The following ACAN variants were observed in gnomAD, a reference collection of about 807,000 sequenced individuals.
ACAN encodes the protein aggrecan.
Under a neutral mutation model 169.1 loss-of-function variants are expected in ACAN, and 47 were observed. The observed-to-expected ratio is 0.28, with a 90% CI of 0.22 to 0.35. The LOEUF is 0.35. Among genes scored for constraint, ACAN ranks in the 10% least tolerant of loss-of-function variants. The pLI is 1.00. For missense variants in ACAN, 2,716 were observed against 2,759.9 expected, an observed-to-expected ratio of 0.98 and a Z score of 0.36; for synonymous variants, 1,115 against 1,112.2, an observed-to-expected ratio of 1.00 and a Z score of -0.05.
intron 1 of ACAN, among the ~76,000 whole-genome samples, chr15:88,832,504 G>A (rs921595358): frequency 2.0e-5 from 3 of 152,090 alleles, no homozygotes; most frequent in Non-Finnish European, 4.4e-5. Flanking sequence ...TCAACTACTC[G>A]ATGGTTGAGG....
chr15:88,849,878 C>A lies in ACAN; in HGVS notation c.2026+147C>A. Reference sequence around the variant, plus strand: ...GGGGCAGAGCCAGCTCTGAAACCAGCACAACGCAGGCTTTGACCCCAAGGC... The same window carrying A: ...GGGGCAGAGCCAGCTCTGAAACCAGAACAACGCAGGCTTTGACCCCAAGGC... On this transcript the variant is annotated intron_variant, in intron 10 of 18. Coordinates refer to ENST00000560601, the MANE Select transcript of ACAN (RefSeq NM_001369268.1). This position sits in a 1 kb window ranked among gnomAD's most constrained non-coding sequence, Gnocchi z 5.1. 8.5e-7 allele frequency: 1 copy of A among 1,176,506 alleles called. No homozygotes were observed. The highest frequency in any genetic ancestry group is 1.2e-6 in the Non-Finnish European group (1 of 815,014). 72.9% of individuals were successfully genotyped at this position (1,176,506 alleles called of 1,614,324 possible). A position where few individuals can be genotyped will look rare whatever the true frequency, so the allele number is the denominator to read the frequency against.
chr15:88,868,634 G>C lies in ACAN; in HGVS notation c.7060+305G>C, dbSNP rs1246314188. Among the ~76,000 whole-genome samples, 1 of 152,224 alleles carries C rather than the reference G, an allele frequency of 6.6e-6. No individual in the cohort carries two copies. The highest frequency in any genetic ancestry group is 2.4e-5 in the African/African-American group (1 of 41,450). On this transcript the variant is annotated intron_variant, in intron 14 of 18. Transcript: ENST00000560601. This position sits in a 1 kb window ranked among gnomAD's most constrained non-coding sequence, Gnocchi z 5.2. Reference sequence around the variant, plus strand: ...AGACTAAGAGGACAGGGCTGATTCTGAGCACTTGTCTTGAAGGAAGCTATG... The same window carrying C: ...AGACTAAGAGGACAGGGCTGATTCTCAGCACTTGTCTTGAAGGAAGCTATG...
chr15:88,835,215 A>C (rs962549263), intron 1 of ACAN, among the ~76,000 whole-genome samples: 30 of 152,112 alleles, frequency 2.0e-4, no homozygotes, highest in African/African-American at 6.8e-4. Context: ...GAAACCTTGG[A>C]GGCTAGTCCA....
chr15:88,858,963 C>A lies in ACAN; in HGVS notation c.6378C>A (p.Ser2126=). 6.2e-7 allele frequency: 1 copy of A among 1,613,272 alleles called. No individual in the cohort carries two copies. Residue 2126 remains serine, a synonymous_variant, in exon 12 of 19, where the codon TCC becomes TCA. Coordinates refer to ENST00000560601, the MANE Select transcript of ACAN (RefSeq NM_001369268.1). The surrounding 1 kb of genome is among the most constrained non-coding windows in gnomAD (Gnocchi z 4.0). ...AGGCCAGCAGAGAAGATTCTGGGTC[C>A]CCTGATCTGAGTGAAACCACCTCTG... ...APEASREDSG[S]PDLSETTSAF...
At chr15:88,815,973 T>A (rs1481058254) in intron 1 of ACAN, among the ~76,000 whole-genome samples, 1 of 152,260 alleles carries the variant, frequency 6.6e-6, no homozygotes, top group East Asian at 1.9e-4. Context: ...CTATGGGAAA[T>A]CCTTCCTTGC....
Position 88,843,316 on chromosome 15 carries a change from G to A in ACAN, c.758-39G>A, listed in dbSNP as rs755197632. ...CTGGGGATGCAGAGCAGGGGGAGGG[G>A]GGAGAAGACCCTTACCCAGCTGGCT... On this transcript the variant is annotated intron_variant, in intron 5 of 18. Coordinates refer to ENST00000560601, the MANE Select transcript of ACAN (RefSeq NM_001369268.1). This position sits in a 1 kb window ranked among gnomAD's most constrained non-coding sequence, Gnocchi z 4.0. The A allele has an allele frequency of 8.1e-5, 124 of 1,522,552 alleles. No homozygotes were observed. Among genetic ancestry groups the A allele is most frequent in the Non-Finnish European group, 1.1e-4 (122 of 1,130,650 alleles). The allele number at this position is 1,522,552 out of a possible 1,614,324, so 94.3% of individuals were successfully genotyped here. A position where few individuals can be genotyped will look rare whatever the true frequency, so the allele number is the denominator to read the frequency against.
chr15:88,858,621 C>T lies in ACAN; in HGVS notation c.6036C>T (p.Thr2012=). ...TTAGTGGGGATTTTGCCAGCACCACCAATGTAAGTGGAGAATCCTCTGTAG... is the reference window on the plus strand; with the variant it reads ...TTAGTGGGGATTTTGCCAGCACCACTAATGTAAGTGGAGAATCCTCTGTAG... ...PYFSGDFAST[T]NVSGESSVAM... is the part of the protein sequence containing the mutation. Residue 2012 remains threonine (T), a synonymous_variant, in exon 12 of 19, where the codon ACC becomes ACT. Transcript: ENST00000560601. The surrounding 1 kb of genome is among the most constrained non-coding windows in gnomAD (Gnocchi z 4.0). The T allele has an allele frequency of 6.2e-7, 1 of 1,613,920 alleles. No homozygotes were observed. The highest frequency in any genetic ancestry group is 8.5e-7 in the Non-Finnish European group (1 of 1,179,896).
In ACAN at chr15:88,849,790, T is replaced by C. The variant is rs1376275443; in HGVS notation, c.2026+59T>C. The C allele has an allele frequency of 6.3e-7, 1 of 1,581,070 alleles. No homozygotes were observed. Among genetic ancestry groups the C allele is most frequent in the Non-Finnish European group, 8.6e-7 (1 of 1,162,958 alleles). Reference sequence around the variant, plus strand: ...TTTGTCTGGAGAGGACCCCACTGGGTTCACCGGATCCTGCCACCACCCAGT... The same window carrying C: ...TTTGTCTGGAGAGGACCCCACTGGGCTCACCGGATCCTGCCACCACCCAGT... On this transcript the variant is annotated intron_variant, in intron 10 of 18. Coordinates refer to ENST00000560601, the MANE Select transcript of ACAN (RefSeq NM_001369268.1). This position sits in a 1 kb window ranked among gnomAD's most constrained non-coding sequence, Gnocchi z 5.1.
chr15:88,843,660 C>G lies in ACAN; in HGVS notation c.1051+12C>G, dbSNP rs1456811585. On this transcript the variant is annotated intron_variant, in intron 6 of 18. Transcript: ENST00000560601. This position sits in a 1 kb window ranked among gnomAD's most constrained non-coding sequence, Gnocchi z 4.0. ...CATCTGCTACACAGGTGGGGCACGG[C>G]TGGTGGTGGGAAGGGAGTTCATGCC... The G allele has an allele frequency of 6.4e-7, 1 of 1,554,922 alleles. No homozygotes were observed. The highest frequency in any genetic ancestry group is 8.7e-7 in the Non-Finnish European group (1 of 1,142,926).
At chr15:88,836,975 G>C (rs957369831) in intron 2 of ACAN, among the ~76,000 whole-genome samples, 1 of 152,218 alleles carries the variant, frequency 6.6e-6, no homozygotes, top group Non-Finnish European at 1.5e-5. Context: ...CAAAGGAAGG[G>C]GAGTCAGCAG....
Position 88,843,791 on chromosome 15 carries a change from C to T in ACAN, c.1051+143C>T, listed in dbSNP as rs1662930175. The T allele has an allele frequency of 5.8e-6, 6 of 1,029,402 alleles. No individual in the cohort carries two copies. The highest frequency in any genetic ancestry group is 2.9e-5 in the Admixed American group (1 of 34,552). The allele number at this position is 1,029,402 out of a possible 1,614,324, so 63.8% of individuals were successfully genotyped here. ...CTGAACCCCATGTTTTTAGGACACC[C>T]CTCCATTTTCACTGGTTCCTAGGAA... On this transcript the variant is annotated intron_variant, in intron 6 of 18. Coordinates refer to ENST00000560601, the MANE Select transcript of ACAN (RefSeq NM_001369268.1). This position sits in a 1 kb window ranked among gnomAD's most constrained non-coding sequence, Gnocchi z 4.0.
Position 88,854,908 on chromosome 15 carries a change from C to G in ACAN, c.2323C>G (p.Pro775Ala). 1 of 1,578,790 alleles carries G rather than the reference C, an allele frequency of 6.3e-7. No individual in the cohort carries two copies. Among genetic ancestry groups the G allele is most frequent in the Non-Finnish European group, 8.6e-7 (1 of 1,165,506 alleles). ...AGCAACAGAGGAAAGTACAGAAGGCCCTTCTGCAACTGAAGTGCCCTCTGC... is the reference window on the plus strand; with the variant it reads ...AGCAACAGAGGAAAGTACAGAAGGCGCTTCTGCAACTGAAGTGCCCTCTGC... ...GAATEESTEG[P>A]SATEVPSASE... The change falls in exon 12 of 19, where the codon CCT becomes GCT. Residue 775 changes from proline to alanine, a missense_variant. This residue lies in a region of ACAN where 1,283 missense variants were observed against 1,281.5 expected (regional missense o/e 1.00). Coordinates refer to ENST00000560601, the MANE Select transcript of ACAN (RefSeq NM_001369268.1).
At position 88,872,740 on chromosome 15, in the gene ACAN, T is replaced by G. The variant is rs1161826981; in HGVS notation, c.7303-141T>G. The G allele has an allele frequency of 9.2e-7, 1 of 1,084,758 alleles. No homozygotes were observed. The highest frequency in any genetic ancestry group is 1.3e-6 in the Non-Finnish European group (1 of 765,812). The allele number at this position is 1,084,758 out of a possible 1,614,324, so 67.2% of individuals were successfully genotyped here. ...GCCCTGATCAGATTCCCAGCAGTTTTTGTGCTGCTATCAGATGAGCCTGAA... is the reference window on the plus strand; with the variant it reads ...GCCCTGATCAGATTCCCAGCAGTTTGTGTGCTGCTATCAGATGAGCCTGAA... On this transcript the variant is annotated intron_variant, in intron 16 of 18. Coordinates refer to ENST00000560601, the MANE Select transcript of ACAN (RefSeq NM_001369268.1). The surrounding 1 kb of genome is among the most constrained non-coding windows in gnomAD (Gnocchi z 5.4).
At chr15:88,860,284 G>T in intron 12 of ACAN, 42 bp from the exon 13 acceptor site, 2 of 1,447,418 alleles carry the variant, frequency 1.4e-6, no homozygotes, top group South Asian at 2.5e-5. Flanking sequence ...GTAGCCAGGT[G>T]ACTGTGTTCT....
At chr15:88,813,334 C>T (rs1388069381) in intron 1 of ACAN, among the ~76,000 whole-genome samples, 1 of 152,204 alleles carries the variant, frequency 6.6e-6, no homozygotes, top group Admixed American at 6.5e-5. Context: ...TTTTGAAAGC[C>T]ACTGATATGT....
At chr15:88,813,427 G>A (rs1280597987) in intron 1 of ACAN, among the ~76,000 whole-genome samples, 1 of 152,194 alleles carries the variant, frequency 6.6e-6, no homozygotes, top group Non-Finnish European at 1.5e-5. Flanking sequence ...CAGGGACTCT[G>A]CACAGTCAGA....
chr15:88,869,056 A>C lies in ACAN; in HGVS notation c.7060+727A>C, dbSNP rs977331024. ...GCCTTGCCAACCTCTCCATTTCTGC[A>C]CCACTTCTACCAAAAGGAGCTGTGC... is the stretch of plus-strand genomic sequence containing the variant. On this transcript the variant is annotated intron_variant, in intron 14 of 18. Coordinates refer to ENST00000560601, the MANE Select transcript of ACAN (RefSeq NM_001369268.1). The surrounding 1 kb of genome is among the most constrained non-coding windows in gnomAD (Gnocchi z 4.2). Among the ~76,000 whole-genome samples, 1 of 152,112 alleles carries C rather than the reference A, an allele frequency of 6.6e-6. No individual in the cohort carries two copies. Among genetic ancestry groups the C allele is most frequent in the Non-Finnish European group, 1.5e-5 (1 of 68,014 alleles).
chr15:88,846,519 T>C (rs1410904848), intron 7 of ACAN, among the ~76,000 whole-genome samples: 1 of 152,248 alleles, frequency 6.6e-6, no homozygotes, highest in East Asian at 1.9e-4. Context: ...AAGTTGTCTA[T>C]GACTAACTGA....
In ACAN at chr15:88,807,477, G is replaced by A. The variant is rs1004944343; in HGVS notation, c.-8+3668G>A. Among the ~76,000 whole-genome samples, 2 of 152,138 alleles carry A rather than the reference G, an allele frequency of 1.3e-5. No homozygotes were observed. The highest frequency in any genetic ancestry group is 6.5e-5 in the Admixed American group (1 of 15,274). On this transcript the variant is annotated intron_variant, in intron 1 of 18. Coordinates refer to ENST00000560601, the MANE Select transcript of ACAN (RefSeq NM_001369268.1). This position sits in a 1 kb window ranked among gnomAD's most constrained non-coding sequence, Gnocchi z 4.0. The stretch of plus-strand genomic sequence containing the variant: ...TGTGACAGCTACTTTGGGAGTGGCA[G>A]CTCCCCTTCCCCCAGATCCAACAGG...
Sources: gnomAD v4.1 joint callset for allele counts (sites outside exome capture counted in the v4.1 genomes callset) on GRCh38, gnomAD v4.1.1 for gene constraint, gnomAD v4.1.1 regional missense constraint, Gnocchi (gnomAD v3.1) non-coding constraint, MANE v1.5 for transcripts, NCBI Gene and HGNC (gene_info 2026-07-23, HGNC 2026-07-21) for gene names.